GPC5: variants seen among roughly 807,000 people sequenced by gnomAD.
GPC5 encodes the protein glypican 5.
Under a neutral mutation model 53.9 loss-of-function variants are expected in GPC5, and 47 were observed. That is an observed-to-expected ratio of 0.87 (90% CI 0.69 to 1.11). The LOEUF is 1.11. Among genes scored for constraint, GPC5 ranks in the 50% most tolerant of loss-of-function variants. The pLI, the probability that GPC5 is intolerant of heterozygous loss-of-function variation, is 0.00. For missense variants in GPC5, 748 were observed against 713.1 expected (o/e 1.05, Z -0.56); for synonymous variants, 286 against 263.3 (o/e 1.09, Z -0.84).
chr13:91,452,929 C>T (rs989489828), intron 2 of GPC5, among the ~76,000 whole-genome samples: 7 of 151,714 alleles, frequency 4.6e-5, no homozygotes, highest in Non-Finnish European at 8.8e-5. Flanking sequence ...TTTCTTTCAA[C>T]TTCATTATGC....
At chr13:92,241,754 G>A (rs972518764) in intron 7 of GPC5, 1 of 152,032 alleles carries the variant, frequency 6.6e-6, no homozygotes, top group Admixed American at 6.6e-5. Flanking sequence ...AAGTAGAGAG[G>A]TTTTAAAAAT....
At chr13:91,697,388 G>A (rs1019333628) in intron 3 of GPC5, among the ~76,000 whole-genome samples, 4 of 152,044 alleles carry the variant, frequency 2.6e-5, no homozygotes, top group South Asian at 4.2e-4. Context: ...TGATCTGCCC[G>A]CCTTGGCCTC....
At chr13:92,732,059 A>T (rs1383571272) in intron 7 of GPC5, among the ~76,000 whole-genome samples, 1 of 150,822 alleles carries the variant, frequency 6.6e-6, no homozygotes, top group Non-Finnish European at 1.5e-5. Flanking sequence ...GAGTGCTTTA[A>T]TTTTTTTTTA....
At chr13:92,447,335 C>T (rs180833041) in intron 7 of GPC5, 1 of 152,104 alleles carries the variant, frequency 6.6e-6, no homozygotes, top group African/African-American at 2.4e-5. Flanking sequence ...GAAGTCTAGT[C>T]TCTTTGGTCT....
chr13:91,699,066 G>T (rs1004925717), intron 3 of GPC5, among the ~76,000 whole-genome samples: 1 of 152,172 alleles, frequency 6.6e-6, no homozygotes, highest in African/African-American at 2.4e-5. Context: ...ACCAGAGTTG[G>T]TTCCTAGAGA....
chr13:91,728,919 G>T (rs1374881151), intron 4 of GPC5, among the ~76,000 whole-genome samples: 2 of 152,076 alleles, frequency 1.3e-5, no homozygotes, highest in Admixed American at 1.3e-4. Flanking sequence ...GGTCATATTG[G>T]GGGCCCTGGG....
intron 7 of GPC5, among the ~76,000 whole-genome samples, chr13:92,270,588 T>C (rs1056961792): frequency 6.6e-6 from 1 of 152,206 alleles, no homozygotes; most frequent in Non-Finnish European, 1.5e-5. Flanking sequence ...CAAGTATTTA[T>C]ACCAATGCAA....
At chr13:91,908,919 A>G (rs768901572) in intron 6 of GPC5, among the ~76,000 whole-genome samples, 7 of 152,090 alleles carry the variant, frequency 4.6e-5, no homozygotes, top group Non-Finnish European at 1.0e-4. Context: ...TTTATTGCAT[A>G]CAACATATTC....
intron 5 of GPC5, among the ~76,000 whole-genome samples, chr13:91,860,611 G>T (rs569856662): frequency 6.0e-5 from 9 of 149,818 alleles, no homozygotes; most frequent in Non-Finnish European, 1.0e-4. Flanking sequence ...CCAGATTCAA[G>T]TGATTCTTCC....
At chr13:91,403,156 CA>C (rs1315365893) in intron 1 of GPC5, among the ~76,000 whole-genome samples, 2 of 152,238 alleles carry the variant, frequency 1.3e-5, no homozygotes, top group Non-Finnish European at 2.9e-5. Context: ...ATCAAATTTC[CA>C]AAGCCAGAAT....
At chr13:92,001,298 G>A (rs9589399) in intron 6 of GPC5, among the ~76,000 whole-genome samples, 4,364 of 152,232 alleles carry the variant, frequency 0.029, 193 homozygotes, top group African/African-American at 0.098. Context: ...GATTGGCAAA[G>A]GGATTTTGTT....
chr13:92,019,667 A>G (rs1178809161), intron 6 of GPC5, among the ~76,000 whole-genome samples: 2 of 152,130 alleles, frequency 1.3e-5, no homozygotes, highest in African/African-American at 4.8e-5. Flanking sequence ...GTTTCTGGCC[A>G]ATAAAATGTT....
intron 7 of GPC5, among the ~76,000 whole-genome samples, chr13:92,808,069 C>T (rs1317535214): frequency 6.6e-6 from 1 of 152,010 alleles, no homozygotes; most frequent in Non-Finnish European, 1.5e-5. Flanking sequence ...AACTCAGGGT[C>T]ACAGGAAGAA....
In GPC5 at chr13:92,414,922, G is replaced by T. The variant is rs890314296; in HGVS notation, c.1561+269933G>T. On this transcript the variant is annotated intron_variant, in intron 7 of 7. Transcript: ENST00000377067. ...CCCCACCTAATCCTTATCACATTGG[G>T]GATTAAGTTTCAGCATACGCATTTT... 2.0e-5 allele frequency among the ~76,000 whole-genome samples: 3 copies of T among 152,030 alleles called. No individual in the cohort carries two copies. The South Asian group carries it at 6.2e-4, about 32-fold the overall frequency.
At chr13:91,929,743 G>C (rs1261864062) in intron 6 of GPC5, among the ~76,000 whole-genome samples, 1 of 151,886 alleles carries the variant, frequency 6.6e-6, no homozygotes, top group East Asian at 1.9e-4. Flanking sequence ...TTTGTTTCAT[G>C]TATATCTATT....
intron 7 of GPC5, among the ~76,000 whole-genome samples, chr13:92,832,517 A>AG (rs1878081713): frequency 6.6e-6 from 1 of 152,204 alleles, no homozygotes; most frequent in African/African-American, 2.4e-5. Context: ...TGCTATTACA[A>AG]GGTTTTTAAG....
chr13:92,646,048 TTTA>T (rs1359702087), intron 7 of GPC5, among the ~76,000 whole-genome samples: 2 of 152,070 alleles, frequency 1.3e-5, no homozygotes, highest in African/African-American at 4.8e-5. Context: ...ATTTCTAATT[TTTA>T]TTTTTATTAT....
At chr13:92,311,018 A>C (rs1332607943) in intron 7 of GPC5, among the ~76,000 whole-genome samples, 1 of 152,184 alleles carries the variant, frequency 6.6e-6, no homozygotes, top group East Asian at 1.9e-4. Flanking sequence ...TCAAATGTTA[A>C]AGTAGTCTGA....
chr13:92,017,661 G>C (rs956949399), intron 6 of GPC5, among the ~76,000 whole-genome samples: 6 of 152,064 alleles, frequency 3.9e-5, no homozygotes, highest in African/African-American at 1.4e-4. Flanking sequence ...CATATAATCA[G>C]TGCACAGTGC....
Sources: allele counts gnomAD v4.1 joint callset (sites outside exome capture counted in the v4.1 genomes callset), GRCh38; gene constraint gnomAD v4.1.1; transcripts MANE v1.5; gene names NCBI Gene and HGNC (gene_info 2026-07-23, HGNC 2026-07-21).